Variants in CDH12 observed in about 807,000 individuals in gnomAD.
CDH12 encodes the protein cadherin 12, also known as cadherin-12.
In CDH12, 41 loss-of-function variants were observed where a neutral mutation model predicts 74.1. The ratio of observed to expected loss-of-function variants is 0.55; its 90% confidence interval spans 0.43 to 0.72. CDH12 has a LOEUF of 0.72. CDH12 is among the 30% of genes least tolerant of loss of function. The probability of loss-of-function intolerance (pLI) is 0.00; values close to 1 mark genes in which losing one functional copy is unlikely to be tolerated. For missense variants in CDH12, 945 were observed against 977.2 expected, an observed-to-expected ratio of 0.97 and a Z score of 0.44; for synonymous variants, 399 against 355.0, an observed-to-expected ratio of 1.12 and a Z score of -1.39.
chr5:22,743,497 G>T (rs913938446), intron 1 of CDH12, among the ~76,000 whole-genome samples: 1 of 151,730 alleles, frequency 6.6e-6, no homozygotes, highest in Non-Finnish European at 1.5e-5. Context: ...GAGACAAAAA[G>T]CTATTCCTTT....
At chr5:22,783,433 A>G (rs942314004) in intron 1 of CDH12, among the ~76,000 whole-genome samples, 1 of 152,140 alleles carries the variant, frequency 6.6e-6, no homozygotes, top group Admixed American at 6.6e-5. Context: ...AAATGGAGTT[A>G]GAATAGACTT....
At chr5:21,783,258 G>A (rs1300732110) in intron 11 of CDH12, 100 bp downstream of exon 11, 4 of 1,040,040 alleles carry the variant, frequency 3.8e-6, no homozygotes, top group Non-Finnish European at 5.6e-6. Flanking sequence ...CCACTCAGCT[G>A]TCAGTCCAAA....
chr5:22,634,910 T>G (rs185002650), intron 1 of CDH12, among the ~76,000 whole-genome samples: 1 of 151,948 alleles, frequency 6.6e-6, no homozygotes, highest in Admixed American at 6.6e-5. Flanking sequence ...TTGTTATTGT[T>G]AAGATGACAA....
intron 5 of CDH12, among the ~76,000 whole-genome samples, chr5:22,005,579 A>G (rs1736900253): frequency 6.6e-6 from 1 of 150,510 alleles, no homozygotes; most frequent in Non-Finnish European, 1.5e-5. Flanking sequence ...ATCTACTTAA[A>G]AAAAAAAAAA....
chr5:21,918,777 T>C (rs1333899263), intron 6 of CDH12, among the ~76,000 whole-genome samples: 2 of 152,170 alleles, frequency 1.3e-5, no homozygotes, highest in Admixed American at 6.6e-5. Context: ...TGATATCATT[T>C]GAAAACATTT....
intron 1 of CDH12, among the ~76,000 whole-genome samples, chr5:22,570,211 A>G (rs1363208805): frequency 6.6e-6 from 1 of 151,438 alleles, no homozygotes; most frequent in African/African-American, 2.4e-5. Context: ...GCCCACCACC[A>G]CACCTGGCTA....
At chr5:22,454,694 C>G (rs567658377) in intron 2 of CDH12, among the ~76,000 whole-genome samples, 2 of 152,196 alleles carry the variant, frequency 1.3e-5, no homozygotes, top group African/African-American at 2.4e-5. Context: ...AGGCTAGTCT[C>G]GAACTCCTGT....
chr5:21,833,030 A>T (rs867277696), intron 8 of CDH12, among the ~76,000 whole-genome samples: 1 of 45,188 alleles, frequency 2.2e-5, no homozygotes, highest in African/African-American at 1.2e-4. Flanking sequence ...ATAATATATA[A>T]TATATAATAT....
chr5:21,904,384 C>T (rs1753540507), intron 6 of CDH12, among the ~76,000 whole-genome samples: 1 of 152,064 alleles, frequency 6.6e-6, no homozygotes, highest in Non-Finnish European at 1.5e-5. Flanking sequence ...GGATGATTAT[C>T]AAAATATCAC....
intron 1 of CDH12, among the ~76,000 whole-genome samples, chr5:22,643,003 G>GA (rs1739230779): frequency 6.6e-6 from 1 of 151,974 alleles, no homozygotes; most frequent in African/African-American, 2.4e-5. Flanking sequence ...AGGTAATAAT[G>GA]AAAAAAATAA....
intron 4 of CDH12, among the ~76,000 whole-genome samples, chr5:22,123,094 T>C (rs1745620564): frequency 6.6e-6 from 1 of 152,208 alleles, no homozygotes; most frequent in Admixed American, 6.5e-5. Flanking sequence ...CCCCCAGAAT[T>C]GATACATTGA....
intron 6 of CDH12, among the ~76,000 whole-genome samples, chr5:21,949,286 T>C (rs1286592270): frequency 6.6e-6 from 1 of 151,446 alleles, no homozygotes; most frequent in East Asian, 2.0e-4. Flanking sequence ...CCATCTCTAC[T>C]AAAAATACAA....
intron 3 of CDH12, among the ~76,000 whole-genome samples, chr5:22,283,251 T>TATCTATAC (rs1282673054): frequency 3.9e-5 from 4 of 102,064 alleles, no homozygotes; most frequent in African/African-American, 1.2e-4. Flanking sequence ...TATATATATA[T>TATCTATAC]ACACACACAC....
chr5:22,085,451 T>A (rs1743001858), intron 4 of CDH12, among the ~76,000 whole-genome samples: 1 of 152,214 alleles, frequency 6.6e-6, no homozygotes, highest in African/African-American at 2.4e-5. Context: ...AGGTGTTCTC[T>A]ATTATGGGTA....
chr5:21,837,147 G>A (rs1402810635), intron 8 of CDH12, among the ~76,000 whole-genome samples: 2 of 151,916 alleles, frequency 1.3e-5, no homozygotes, highest in Non-Finnish European at 1.5e-5. Context: ...AGAGTTAAAT[G>A]GGAATATATA....
intron 1 of CDH12, among the ~76,000 whole-genome samples, chr5:22,833,849 A>T (rs1736717318): frequency 6.6e-6 from 1 of 152,180 alleles, no homozygotes; most frequent in African/African-American, 2.4e-5. Context: ...AGCCAACATT[A>T]TAGCACATGG....
intron 3 of CDH12, among the ~76,000 whole-genome samples, chr5:22,267,261 C>G (rs2150397809): frequency 6.6e-6 from 1 of 152,240 alleles, no homozygotes; most frequent in Non-Finnish European, 1.5e-5. Context: ...TAATTATGTT[C>G]TATTGATCAA....
chr5:22,364,696 T>C (rs775569449), intron 3 of CDH12, among the ~76,000 whole-genome samples: 7 of 152,246 alleles, frequency 4.6e-5, no homozygotes, highest in Non-Finnish European at 1.0e-4. Context: ...AATAAATGAA[T>C]GCTTTCAGAA....
chr5:22,591,410 T>G (rs1359216949), intron 1 of CDH12, among the ~76,000 whole-genome samples: 1 of 152,154 alleles, frequency 6.6e-6, no homozygotes, highest in Admixed American at 6.6e-5. Context: ...ATAATATTTT[T>G]TAAAATGGCA....
Sources: allele counts gnomAD v4.1 joint callset (sites outside exome capture counted in the v4.1 genomes callset), GRCh38; gene constraint gnomAD v4.1.1; transcripts MANE v1.5; gene names NCBI Gene and HGNC (gene_info 2026-07-23, HGNC 2026-07-21).